Variants in RPS6KA2 observed in about 807,000 individuals in gnomAD.
The protein encoded by RPS6KA2 is ribosomal protein S6 kinase alpha-2.
A neutral mutation model predicts 91.8 loss-of-function variants in RPS6KA2; 42 were observed. That is an observed-to-expected ratio of 0.46 (90% CI 0.36 to 0.59). The LOEUF (loss-of-function observed/expected upper bound fraction) is 0.59, where lower values mean the gene tolerates loss of function less well. RPS6KA2 is among the 20% of genes least tolerant of loss of function. RPS6KA2 has a pLI of 0.00. For missense variants in RPS6KA2, 798 were observed against 978.5 expected (o/e 0.82, Z 2.46); for synonymous variants, 414 against 393.6 (o/e 1.05, Z -0.61).
chr6:166,816,833 AG>A (rs773848255), intron 2 of RPS6KA2, among the ~76,000 whole-genome samples: 2 of 152,212 alleles, frequency 1.3e-5, no homozygotes, highest in Non-Finnish European at 2.9e-5. Flanking sequence ...CTCCTAAGAC[AG>A]GGGAATTGTT....
chr6:166,575,560 T>C (rs1784815193), intron 1 of RPS6KA2, among the ~76,000 whole-genome samples: 1 of 152,246 alleles, frequency 6.6e-6, no homozygotes, highest in Admixed American at 6.5e-5. Context: ...GTTTATTCTC[T>C]CTACATCTGA....
intron 2 of RPS6KA2, among the ~76,000 whole-genome samples, chr6:166,841,994 C>T (rs190944151): frequency 1.1e-4 from 17 of 152,090 alleles, no homozygotes; most frequent in African/African-American, 1.2e-4. Flanking sequence ...ATCTCTCGAG[C>T]GAACAAAAGC....
intron 1 of RPS6KA2, among the ~76,000 whole-genome samples, chr6:166,582,647 T>TAA (rs1014947668): frequency 6.6e-6 from 1 of 152,318 alleles, no homozygotes; most frequent in African/African-American, 2.4e-5. Flanking sequence ...GCATTTATTT[T>TAA]CTCCACAGAA....
At chr6:166,580,161 C>T (rs1784960970) in intron 1 of RPS6KA2, among the ~76,000 whole-genome samples, 1 of 152,232 alleles carries the variant, frequency 6.6e-6, no homozygotes, top group Non-Finnish European at 1.5e-5. Flanking sequence ...ACTGAACTTC[C>T]AGTCTCAGGC....
At chr6:166,479,739 T>C (rs1381647994) in intron 10 of RPS6KA2, among the ~76,000 whole-genome samples, 1 of 152,182 alleles carries the variant, frequency 6.6e-6, no homozygotes, top group African/African-American at 2.4e-5. Flanking sequence ...AAGGAAAAGC[T>C]CCCCTTCTGC....
At chr6:166,414,294 A>G (rs1170440840) in intron 19 of RPS6KA2, among the ~76,000 whole-genome samples, 1 of 152,218 alleles carries the variant, frequency 6.6e-6, no homozygotes, top group Non-Finnish European at 1.5e-5. Flanking sequence ...ACAGGTAGAA[A>G]TCAATTCATA....
intron 1 of RPS6KA2, among the ~76,000 whole-genome samples, chr6:166,589,614 A>G (rs1339710853): frequency 6.6e-6 from 1 of 152,212 alleles, no homozygotes. Flanking sequence ...AGAAAATAAG[A>G]GCCTAAAGGG....
Position 166,418,845 on chromosome 6 carries a change from G to C in RPS6KA2, c.1821-503C>G, listed in dbSNP as rs931959706. On this transcript the variant is annotated intron_variant, in intron 18 of 20. Transcript: ENST00000265678. The surrounding 1 kb of genome is among the most constrained non-coding windows in gnomAD (Gnocchi z 4.9). ...GCCATATTCCAAGCGCGTGGGAGGTGTTCATGGTGTCCCACCTTAAAACAC... is the reference window on the plus strand; with the variant it reads ...GCCATATTCCAAGCGCGTGGGAGGTCTTCATGGTGTCCCACCTTAAAACAC... 1.3e-5 allele frequency among the ~76,000 whole-genome samples: 2 copies of C among 152,246 alleles called. No homozygotes were observed. The highest frequency in any genetic ancestry group is 1.5e-5 in the Non-Finnish European group (1 of 68,044).
intron 2 of RPS6KA2, among the ~76,000 whole-genome samples, chr6:166,675,692 C>G (rs977240877): frequency 7.2e-5 from 11 of 152,158 alleles, no homozygotes; most frequent in African/African-American, 2.4e-4. Flanking sequence ...TATTTTGTGC[C>G]TGTTTCCAGT....
intron 11 of RPS6KA2, among the ~76,000 whole-genome samples, chr6:166,465,674 G>A (rs894074372): frequency 6.6e-6 from 1 of 152,056 alleles, no homozygotes; most frequent in African/African-American, 2.4e-5. Context: ...AATTCCACTC[G>A]CCCTCTTTCA....
At chr6:166,768,247 C>T (rs527493736) in intron 2 of RPS6KA2, among the ~76,000 whole-genome samples, 80 of 152,300 alleles carry the variant, frequency 5.3e-4, no homozygotes, top group African/African-American at 1.2e-3. Flanking sequence ...AAGAAAACAT[C>T]CTCCCCTTGG....
rs1203993502 is a variant in RPS6KA2, at chr6:166,770,415, G to A, written c.123+87785C>T. On this transcript the variant is annotated intron_variant, in intron 2 of 21. Transcript: ENST00000503859. The surrounding 1 kb of genome is among the most constrained non-coding windows in gnomAD (Gnocchi z 5.1). ...GGTCGGCCACCAGCCTGCAAACCTC[G>A]AGGGCAGACACAGCCCCAGGCAGCT... Among the ~76,000 whole-genome samples the A allele has an allele frequency of 2.0e-5, 3 of 151,858 alleles. No individual in the cohort carries two copies. The highest frequency in any genetic ancestry group is 2.1e-4 in the South Asian group (1 of 4,832).
chr6:166,508,494 A>AG lies in RPS6KA2; in HGVS notation c.380-213dup, dbSNP rs1360682412. 6.6e-6 allele frequency among the ~76,000 whole-genome samples: 1 copy of AG among 152,088 alleles called. No individual in the cohort carries two copies. The highest frequency in any genetic ancestry group is 1.5e-5 in the Non-Finnish European group (1 of 68,022). On this transcript the variant is annotated intron_variant, in intron 4 of 20. Transcript: ENST00000265678. The surrounding 1 kb of genome is among the most constrained non-coding windows in gnomAD (Gnocchi z 4.3). The stretch of plus-strand genomic sequence containing the variant: ...GCGCTGCCCCTCTCTCACTGTCGTT[A>AG]GGGGGCCTTGAGATTTCTTTCATCT...
chr6:166,655,564 C>T (rs1267049556), intron 2 of RPS6KA2, among the ~76,000 whole-genome samples: 1 of 152,214 alleles, frequency 6.6e-6, no homozygotes, highest in African/African-American at 2.4e-5. Flanking sequence ...GGATCTGAGA[C>T]AGAGCAGGGC....
At chr6:166,475,308 G>A (rs1319801679) in intron 10 of RPS6KA2, among the ~76,000 whole-genome samples, 1 of 152,100 alleles carries the variant, frequency 6.6e-6, no homozygotes, top group Non-Finnish European at 1.5e-5. Flanking sequence ...GAGCCCCCAC[G>A]CTCACCACAC....
intron 1 of RPS6KA2, among the ~76,000 whole-genome samples, chr6:166,622,035 C>CT (rs1406279059): frequency 4.6e-5 from 7 of 152,096 alleles, no homozygotes; most frequent in Non-Finnish European, 1.0e-4. Flanking sequence ...AACATAGTTC[C>CT]TTTTTTATTT....
intron 2 of RPS6KA2, among the ~76,000 whole-genome samples, chr6:166,532,706 C>T (rs573970725): frequency 1.2e-4 from 18 of 152,296 alleles, no homozygotes; most frequent in African/African-American, 3.9e-4. Flanking sequence ...TGCTGCCTCT[C>T]GGACCCGATT....
rs3799567 is a variant in RPS6KA2 at position 166,622,355 on chromosome 6, T to C, written c.99+4566A>G. 1.6e-3 allele frequency among the ~76,000 whole-genome samples: 246 copies of C among 152,156 alleles called. 1 individual carries two copies. Among genetic ancestry groups the C allele is most frequent in the African/African-American group, 5.3e-3 (222 of 41,520 alleles). On this transcript the variant is annotated intron_variant, in intron 1 of 20. Transcript: ENST00000265678. ...AAGCTTAATGTCTTTAAAATGAGTATATAAAGGAGCAAAAAGAAGAACAAA... is the reference window on the plus strand; with the variant it reads ...AAGCTTAATGTCTTTAAAATGAGTACATAAAGGAGCAAAAAGAAGAACAAA...
rs1782998445 is a variant in RPS6KA2, at chr6:166,525,611, G to T, written c.298+5621C>A. Among the ~76,000 whole-genome samples, 4 of 152,230 alleles carry T rather than the reference G, an allele frequency of 2.6e-5. No individual in the cohort carries two copies. In the South Asian group the frequency reaches 8.3e-4, roughly 31 times the overall value. Reference sequence around the variant, plus strand: ...CTCACTTCCAGGCACAGGACAATCAGCCACGGTTTGGAGAAACAAGCTGGA... The same window carrying T: ...CTCACTTCCAGGCACAGGACAATCATCCACGGTTTGGAGAAACAAGCTGGA... On this transcript the variant is annotated intron_variant, in intron 3 of 20. Coordinates refer to ENST00000265678, the MANE Select transcript of RPS6KA2 (RefSeq NM_021135.6).
Sources: gnomAD v4.1 joint callset for allele counts (sites outside exome capture counted in the v4.1 genomes callset) on GRCh38, gnomAD v4.1.1 for gene constraint, Gnocchi (gnomAD v3.1) non-coding constraint, MANE v1.5 for transcripts, NCBI Gene and HGNC (gene_info 2026-07-23, HGNC 2026-07-21) for gene names.